DAAM1: variants seen among roughly 807,000 people sequenced by gnomAD.
DAAM1 encodes the protein dishevelled associated activator of morphogenesis 1, also known as disheveled-associated activator of morphogenesis 1.
Under a neutral mutation model 130.0 loss-of-function variants are expected in DAAM1, and 52 were observed. The observed-to-expected ratio is 0.40, with a 90% CI of 0.32 to 0.50. DAAM1 has a LOEUF of 0.50. Among genes scored for constraint, DAAM1 ranks in the 20% least tolerant of loss-of-function variants. DAAM1 has a pLI of 0.61. For synonymous variants in DAAM1, 452 were observed against 444.5 expected (o/e 1.02, Z -0.21); for missense variants, 1,134 against 1,303.8 (o/e 0.87, Z 2.01).
At chr14:59,322,777 C>G (rs1885062168) in intron 5 of DAAM1, 115 bp from the exon 6 acceptor site, 6 of 819,380 alleles carry the variant, frequency 7.3e-6, no homozygotes, top group Non-Finnish European at 1.2e-5. Flanking sequence ...TCAATGTAAG[C>G]CTTTTGGCAC....
chr14:59,344,740 T>TG (rs999335553), intron 16 of DAAM1, among the ~76,000 whole-genome samples: 2 of 152,176 alleles, frequency 1.3e-5, no homozygotes, highest in African/African-American at 4.8e-5. Flanking sequence ...AGACAGCCTC[T>TG]GGGGGTTGAG....
At chr14:59,360,948 C>A in intron 22 of DAAM1, 86 bp downstream of exon 22, 1 of 1,157,370 alleles carries the variant, frequency 8.6e-7, no homozygotes, top group Non-Finnish European at 1.3e-6. Context: ...GTTGTGTTGG[C>A]ATGTGGTATG....
rs74634832 is a variant in DAAM1 at position 59,316,393 on chromosome 14, G to A, written c.345+1042G>A. ...TCACATGTTTCCTAAACTTTTAGAG[G>A]TCTTGACTTTTAGTAACTTCCTCTT... is the stretch of plus-strand genomic sequence containing the variant. On this transcript the variant is annotated intron_variant, in intron 4 of 24. Transcript: ENST00000360909. 7.4e-3 allele frequency among the ~76,000 whole-genome samples: 1,126 copies of A among 152,202 alleles called. 10 individuals carry two copies. The highest frequency in any genetic ancestry group is 0.025 in the African/African-American group (1,035 of 41,516).
intron 1 of DAAM1, among the ~76,000 whole-genome samples, chr14:59,259,078 C>T (rs1203148231): frequency 2.6e-5 from 4 of 152,188 alleles, no homozygotes; most frequent in Non-Finnish European, 5.9e-5. Flanking sequence ...TCTCGCCCCT[C>T]CTCAGTGCAG....
At chr14:59,250,808 G>T (rs1365679501) in intron 1 of DAAM1, among the ~76,000 whole-genome samples, 1 of 152,192 alleles carries the variant, frequency 6.6e-6, no homozygotes, top group Non-Finnish European at 1.5e-5. Flanking sequence ...ATATAGGTAG[G>T]TACATACATA....
intron 1 of DAAM1, among the ~76,000 whole-genome samples, chr14:59,256,696 A>G (rs1299880393): frequency 6.6e-6 from 1 of 152,206 alleles, no homozygotes; most frequent in Non-Finnish European, 1.5e-5. Context: ...ACCGATATGG[A>G]AACCTAGGTC....
intron 3 of DAAM1, among the ~76,000 whole-genome samples, chr14:59,306,412 C>A (rs977181515): frequency 1.3e-5 from 2 of 152,140 alleles, no homozygotes; most frequent in Non-Finnish European, 2.9e-5. Context: ...TTTTAGATTC[C>A]ATTCAGCATT....
At position 59,263,452 on chromosome 14, in the gene DAAM1, A is replaced by G. The variant is rs765182485; in HGVS notation, c.-26A>G. 3 of 1,613,874 alleles carry G rather than the reference A, an allele frequency of 1.9e-6. No homozygotes were observed. The highest frequency in any genetic ancestry group is 4.5e-5 in the East Asian group (2 of 44,890). On this transcript the variant is annotated 5_prime_UTR_variant, in exon 2 of 25. Coordinates refer to ENST00000360909, the MANE Select transcript of DAAM1 (RefSeq NM_001270520.2). ...TCCTCTTTTTGCAGCGTTTAGTCAC[A>G]TCAAGAAATAGAACAGAATTCAGCC...
At chr14:59,263,262 A>C (rs1054289522) in intron 1 of DAAM1, among the ~76,000 whole-genome samples, 179 bp from the exon 2 acceptor site, 1 of 152,188 alleles carries the variant, frequency 6.6e-6, no homozygotes, top group African/African-American at 2.4e-5. Flanking sequence ...AATGAATAGA[A>C]GGGTGTGTGT....
rs1885068422 is a variant in DAAM1 at position 59,322,915 on chromosome 14, T to G, written c.464T>G (p.Leu155Trp). ...PMRFVTRFID[L>W]DGLSCILNFL... is the part of the protein sequence containing the mutation. ...AGGTTTGTAACCAGATTCATCGACT[T>G]GGATGGCCTATCATGTATCCTCAAC... is the stretch of plus-strand genomic sequence containing the variant. Residue 155 changes from leucine (L) to tryptophan (W), a missense_variant, in exon 6 of 25, where the codon TTG becomes TGG. By Grantham distance (61) the Leu-to-Trp change is moderately conservative. Coordinates refer to ENST00000360909, the MANE Select transcript of DAAM1 (RefSeq NM_001270520.2). 1 of 1,611,514 alleles carries G rather than the reference T, an allele frequency of 6.2e-7. No homozygotes were observed. Among genetic ancestry groups the G allele is most frequent in the Admixed American group, 1.7e-5 (1 of 59,910 alleles).
At chr14:59,237,382 G>A (rs1346535534) in intron 1 of DAAM1, among the ~76,000 whole-genome samples, 1 of 152,122 alleles carries the variant, frequency 6.6e-6, no homozygotes, top group African/African-American at 2.4e-5. Context: ...CAGGATTGTG[G>A]AAATACCAAG....
At chr14:59,368,575 A>G in intron 24 of DAAM1, 75 bp from the exon 25 acceptor site, 5 of 1,443,568 alleles carry the variant, frequency 3.5e-6, no homozygotes, top group Non-Finnish European at 4.7e-6. Flanking sequence ...CCATATTTCA[A>G]GGAATTGACC....
At chr14:59,225,878 T>G (rs1888926155) in intron 1 of DAAM1, among the ~76,000 whole-genome samples, 1 of 152,176 alleles carries the variant, frequency 6.6e-6, no homozygotes, top group Non-Finnish European at 1.5e-5. Context: ...AAATGTAAGA[T>G]CATGCTATTA....
At chr14:59,248,253 A>G (rs1881481600) in intron 1 of DAAM1, among the ~76,000 whole-genome samples, 1 of 152,200 alleles carries the variant, frequency 6.6e-6, no homozygotes, top group African/African-American at 2.4e-5. Flanking sequence ...TGGAGAGGAC[A>G]TGTTGGGTAG....
intron 1 of DAAM1, among the ~76,000 whole-genome samples, chr14:59,256,696 A>C (rs1299880393): frequency 6.6e-6 from 1 of 152,206 alleles, no homozygotes; most frequent in Non-Finnish European, 1.5e-5. Flanking sequence ...ACCGATATGG[A>C]AACCTAGGTC....
At chr14:59,266,560 A>G (rs753013732) in intron 2 of DAAM1, among the ~76,000 whole-genome samples, 1 of 152,222 alleles carries the variant, frequency 6.6e-6, no homozygotes, top group Non-Finnish European at 1.5e-5. Context: ...CCAAACCAGA[A>G]CTTTAAGCTG....
intron 1 of DAAM1, among the ~76,000 whole-genome samples, chr14:59,263,067 C>T (rs953987787): frequency 7.2e-5 from 11 of 152,042 alleles, no homozygotes; most frequent in African/African-American, 2.7e-4. Context: ...AAGAGATCTC[C>T]TAGGGGGCAA....
chr14:59,227,396 G>A (rs748150007), intron 1 of DAAM1, among the ~76,000 whole-genome samples: 3 of 152,126 alleles, frequency 2.0e-5, no homozygotes, highest in Non-Finnish European at 2.9e-5. Flanking sequence ...GTTATCTTAC[G>A]TAGTTTCACT....
intron 15 of DAAM1, among the ~76,000 whole-genome samples, chr14:59,334,052 A>C (rs193226135): frequency 6.6e-6 from 1 of 152,234 alleles, no homozygotes; most frequent in African/African-American, 2.4e-5. Context: ...CATATTTTCA[A>C]TAGCACTTCC....
Sources: allele counts gnomAD v4.1 joint callset (sites outside exome capture counted in the v4.1 genomes callset), GRCh38; gene constraint gnomAD v4.1.1; transcripts MANE v1.5; gene names NCBI Gene and HGNC (gene_info 2026-07-23, HGNC 2026-07-21).